The following SDCBP2 variants were observed in gnomAD, a reference collection of about 807,000 sequenced individuals.
SDCBP2 encodes syntenin-2.
In SDCBP2, 28 loss-of-function variants were observed where a neutral mutation model predicts 30.7. The ratio of observed to expected loss-of-function variants is 0.91; its 90% CI spans 0.68 to 1.25. SDCBP2 has a LOEUF of 1.25. Ranked by LOEUF, SDCBP2 falls within the 50% of genes most tolerant of loss-of-function variation. SDCBP2 has a pLI of 0.00. For missense variants in SDCBP2, 399 were observed against 379.0 expected (o/e 1.05, Z -0.44); for synonymous variants, 166 against 157.3 (o/e 1.06, Z -0.41).
rs972371621 is a variant in SDCBP2 at position 1,313,151 on chromosome 20, C to T, written c.384+189G>A. The T allele has an allele frequency of 3.1e-6, 2 of 652,996 alleles. No individual in the cohort carries two copies. The highest frequency in any genetic ancestry group is 5.2e-6 in the Non-Finnish European group (2 of 381,990). The allele number at this position is 652,996 out of a possible 1,614,324, so 40.5% of individuals were successfully genotyped here. A position where few individuals can be genotyped will look rare whatever the true frequency, so the allele number is the denominator to read the frequency against. On this transcript the variant is annotated intron_variant, in intron 5 of 8. Transcript: ENST00000360779. This position sits in a 1 kb window ranked among gnomAD's most constrained non-coding sequence, Gnocchi z 5.2. ...GCCCACGGAGAGGCCAGTGGAGGGC[C>T]CTGCGCAACCCAGCACCAGCCCCGC...
chr20:1,311,900 CTTTTTT>C (rs11471529), intron 7 of SDCBP2, among the ~76,000 whole-genome samples: 1 of 121,110 alleles, frequency 8.3e-6, no homozygotes, highest in Non-Finnish European at 1.6e-5. Context: ...GGTACACTGT[CTTTTTT>C]TTTTTTTTTT....
At position 1,310,460 on chromosome 20, in the gene SDCBP2, T is replaced by C. The variant is rs201959011; in HGVS notation, c.860A>G (p.His287Arg). Residue 287 changes from histidine to arginine, a missense_variant, in exon 9 of 9, where the codon CAC becomes CGC. Physicochemically the swap from His to Arg is conservative, Grantham distance 29. Coordinates refer to ENST00000360779, the MANE Select transcript of SDCBP2 (RefSeq NM_080489.5). ...GTGGCTTCAGGCATCTGGGATGGAGTGGTCCATGGTGTGGTGGAGCAGGAC... is the reference window on the plus strand; with the variant it reads ...GTGGCTTCAGGCATCTGGGATGGAGCGGTCCATGGTGTGGTGGAGCAGGAC... ...PPVLLHHTMD[H>R]SIPDA 1 of 1,613,096 alleles carries C rather than the reference T, an allele frequency of 6.2e-7. No individual in the cohort carries two copies. The highest frequency in any genetic ancestry group is 8.5e-7 in the Non-Finnish European group (1 of 1,179,834).
At chr20:1,317,794 C>T (rs758951604) in intron 4 of SDCBP2, 4 of 247,010 alleles carry the variant, frequency 1.6e-5, no homozygotes, top group Non-Finnish European at 2.4e-5. Context: ...ACAGGTGGGA[C>T]GCAGGGATGC....
rs760804497 is a variant in SDCBP2 at position 1,313,330 on chromosome 20, C to T, written c.384+10G>A. 6.2e-7 allele frequency: 1 copy of T among 1,609,884 alleles called. No homozygotes were observed. The highest frequency in any genetic ancestry group is 8.5e-7 in the Non-Finnish European group (1 of 1,179,286). ...CGAGCTCCTCTTCCCACCCAGCCCC[C>T]GCGCCCTACCTGGTCGACCTTCCGC... On this transcript the variant is annotated intron_variant, in intron 5 of 8. Transcript: ENST00000360779. The surrounding 1 kb of genome is among the most constrained non-coding windows in gnomAD (Gnocchi z 5.2).
In SDCBP2 at chr20:1,329,052, A is replaced by G. The variant is rs148671971; in HGVS notation, c.-20+33T>C. ...AGCAGGTCTCACTCATCCCAATCCC[A>G]GCCAGGATTGGGTCAGGGCCCCCAG... On this transcript the variant is annotated intron_variant, in intron 1 of 8. Transcript: ENST00000360779. The surrounding 1 kb of genome is among the most constrained non-coding windows in gnomAD (Gnocchi z 4.3). 6.6e-6 allele frequency: 1 copy of G among 152,468 alleles called. No homozygotes were observed. Among genetic ancestry groups the G allele is most frequent in the Non-Finnish European group, 1.5e-5 (1 of 68,090 alleles). 9.4% of individuals were successfully genotyped at this position (152,468 alleles called of 1,614,324 possible).
chr20:1,312,804 C>A, intron 5 of SDCBP2, 42 bp from the exon 6 acceptor site: 1 of 1,563,218 alleles, frequency 6.4e-7, no homozygotes, highest in East Asian at 2.3e-5. Context: ...CCTGGCCCAC[C>A]CTAGGCACAG....
rs778420211 is a variant in SDCBP2 at position 1,312,572 on chromosome 20, G to A, written c.560+15C>T. ...TGGGGTGAGACGGAGAGGCTGCCCG[G>A]GCCTGGCTACTCACCTGTCCCGAAC... On this transcript the variant is annotated intron_variant, in intron 6 of 8. Coordinates refer to ENST00000360779, the MANE Select transcript of SDCBP2 (RefSeq NM_080489.5). 1 of 1,613,352 alleles carries A rather than the reference G, an allele frequency of 6.2e-7. No individual in the cohort carries two copies. Among genetic ancestry groups the A allele is most frequent in the Non-Finnish European group, 8.5e-7 (1 of 1,179,408 alleles).
chr20:1,311,182 G>A (rs6109390), intron 7 of SDCBP2: 27,498 of 339,568 alleles, frequency 0.081, 1,289 homozygotes, highest in African/African-American at 0.12. Flanking sequence ...AGCCTGACGC[G>A]TAACAGGGCC....
intron 1 of SDCBP2, chr20:1,322,452 A>T (rs2088861802): frequency 1.3e-5 from 2 of 152,186 alleles, no homozygotes; most frequent in South Asian, 4.1e-4. Context: ...GAAGCAACAC[A>T]TTCTACCTGG....
chr20:1,316,795 G>A (rs2088783949), intron 4 of SDCBP2, among the ~76,000 whole-genome samples: 1 of 152,172 alleles, frequency 6.6e-6, no homozygotes, highest in African/African-American at 2.4e-5. Flanking sequence ...ACAAAAACCT[G>A]TATAAGAATA....
In SDCBP2 at chr20:1,313,989, G is replaced by A. The variant is rs1274894685; in HGVS notation, c.226-491C>T. Among the ~76,000 whole-genome samples, 1 of 152,072 alleles carries A rather than the reference G, an allele frequency of 6.6e-6. No individual in the cohort carries two copies. The highest frequency in any genetic ancestry group is 6.5e-5 in the Admixed American group (1 of 15,270). On this transcript the variant is annotated intron_variant, in intron 4 of 8. Transcript: ENST00000360779. The surrounding 1 kb of genome is among the most constrained non-coding windows in gnomAD (Gnocchi z 5.2). ...CAGCACAGTAGGCAAGAAAAGAGGG[G>A]GAGTCACACAGATCAGAAGAGAAGA...
Position 1,319,654 on chromosome 20 carries a change from C to A in SDCBP2, c.60G>T (p.Gln20His). The change falls in exon 3 of 9, where the codon CAG becomes CAT. Residue 20 changes from glutamine (Q) to histidine (H), a missense_variant. Coordinates refer to ENST00000360779, the MANE Select transcript of SDCBP2 (RefSeq NM_080489.5). ...DLKVDQAIQA[Q>H]VRASPKMPAL... ...CTGGCATCTTGGGTGAGGCTCTGAC[C>A]TGGGCCTGGGGAGGAGCAGGGAGCA... 1 of 1,563,800 alleles carries A rather than the reference C, an allele frequency of 6.4e-7. No homozygotes were observed. Among genetic ancestry groups the A allele is most frequent in the Non-Finnish European group, 8.7e-7 (1 of 1,153,728 alleles).
At position 1,321,289 on chromosome 20, in the gene SDCBP2, T is replaced by C; in HGVS notation, c.-19-854A>G. The C allele has an allele frequency of 6.6e-6, 1 of 152,402 alleles. No homozygotes were observed. The highest frequency in any genetic ancestry group is 1.5e-5 in the Non-Finnish European group (1 of 68,128). 9.4% of individuals were successfully genotyped at this position (152,402 alleles called of 1,614,324 possible). A position where few individuals can be genotyped will look rare whatever the true frequency, so the allele number is the denominator to read the frequency against. On this transcript the variant is annotated intron_variant, in intron 1 of 8. Transcript: ENST00000360779. This position sits in a 1 kb window ranked among gnomAD's most constrained non-coding sequence, Gnocchi z 5.2. ...TGGTGGCACAGGAAACTGAGGGTCC[T>C]GTGCCTGAGCGATGTGACTCCAGGC... is the stretch of plus-strand genomic sequence containing the variant.
intron 4 of SDCBP2, among the ~76,000 whole-genome samples, chr20:1,316,775 G>C (rs1051287554): frequency 6.6e-6 from 1 of 152,186 alleles, no homozygotes; most frequent in Non-Finnish European, 1.5e-5. Flanking sequence ...AAATGAAAAC[G>C]TATGTCTATA....
In SDCBP2 at chr20:1,313,116, A is replaced by G; in HGVS notation, c.384+224T>C. The stretch of plus-strand genomic sequence containing the variant: ...CAGGTGGGGAAGGGAGGCTCCTCCG[A>G]GCGACGGAAGCCCACGGAGAGGCCA... On this transcript the variant is annotated intron_variant, in intron 5 of 8. Transcript: ENST00000360779. The surrounding 1 kb of genome is among the most constrained non-coding windows in gnomAD (Gnocchi z 5.2). 1.7e-6 allele frequency: 1 copy of G among 603,180 alleles called. No homozygotes were observed. The highest frequency in any genetic ancestry group is 2.8e-5 in the East Asian group (1 of 35,420). 37.4% of individuals were successfully genotyped at this position (603,180 alleles called of 1,614,324 possible).
rs187112188 is a variant in SDCBP2 at position 1,318,296 on chromosome 20, C to T, written c.225+22G>A. 25 of 1,537,198 alleles carry T rather than the reference C, an allele frequency of 1.6e-5. No individual in the cohort carries two copies. In the East Asian group the frequency reaches 5.6e-4, roughly 35 times the overall value. On this transcript the variant is annotated intron_variant, in intron 4 of 8. Transcript: ENST00000360779. The stretch of plus-strand genomic sequence containing the variant: ...GGATTGGGAGGTTCTGCGCCCGCAG[C>T]AGGCAGAAGCCAAATACATACACTG...
intron 1 of SDCBP2, chr20:1,323,241 A>T (rs1384017731): frequency 6.6e-6 from 1 of 151,806 alleles, no homozygotes; most frequent in African/African-American, 2.4e-5. Flanking sequence ...GGGGGAAGAG[A>T]CCCCTTTGCT....
rs2088808668 is a variant in SDCBP2 at position 1,318,350 on chromosome 20, C to G, written c.193G>C (p.Glu65Gln). The G allele has an allele frequency of 2.5e-6, 4 of 1,613,808 alleles. No homozygotes were observed. Among genetic ancestry groups the G allele is most frequent in the Non-Finnish European group, 3.4e-6 (4 of 1,179,860 alleles). ...CCCTCTGGAATCTGAAGCAGGCTCT[C>G]CTGGACTTCTTGGCTGGAGAGGGAA... ...GLSLSSQEVQESLLQIPEGDS... is the reference protein window; with the variant it reads ...GLSLSSQEVQQSLLQIPEGDS... Residue 65 changes from glutamate (E) to glutamine (Q), a missense_variant, in exon 4 of 9, where the codon GAG (glutamate) becomes CAG (glutamine). Transcript: ENST00000360779.
intron 3 of SDCBP2, among the ~76,000 whole-genome samples, chr20:1,319,341 AG>A (rs2088821792): frequency 6.6e-6 from 1 of 152,134 alleles, no homozygotes; most frequent in Non-Finnish European, 1.5e-5. Context: ...AAGGATAAAC[AG>A]GGGTTCACCA....
Sources: allele counts gnomAD v4.1 joint callset (sites outside exome capture counted in the v4.1 genomes callset), GRCh38; gene constraint gnomAD v4.1.1; non-coding constraint Gnocchi (gnomAD v3.1); transcripts MANE v1.5; gene names NCBI Gene and HGNC (gene_info 2026-07-23, HGNC 2026-07-21).